PTPN4: variants seen among roughly 807,000 people sequenced by gnomAD.
PTPN4 encodes protein tyrosine phosphatase non-receptor type 4.
In PTPN4, 49 loss-of-function variants were observed where a neutral mutation model predicts 135.5. That is an observed-to-expected ratio of 0.36 (90% confidence interval 0.29 to 0.46). PTPN4 has a LOEUF of 0.46. Ranked by LOEUF, PTPN4 falls within the 20% of genes least tolerant of loss-of-function variation. The probability of loss-of-function intolerance (pLI) is 1.00; values close to 1 mark genes in which losing one functional copy is unlikely to be tolerated. For missense variants in PTPN4, 860 were observed against 1,101.0 expected (o/e 0.78, Z 3.10); for synonymous variants, 333 against 369.9 (o/e 0.90, Z 1.14).
At chr2:119,777,511 A>G (rs1444692450) in intron 1 of PTPN4, among the ~76,000 whole-genome samples, 1 of 152,172 alleles carries the variant, frequency 6.6e-6, no homozygotes, top group Non-Finnish European at 1.5e-5. Flanking sequence ...GTCTGGCACA[A>G]TGTGAGGTAC....
chr2:119,889,682 A>G (rs1023179075), intron 9 of PTPN4, among the ~76,000 whole-genome samples: 2 of 151,922 alleles, frequency 1.3e-5, no homozygotes, highest in African/African-American at 2.4e-5. Context: ...TGTTCTTGCT[A>G]TTCCAGGTTT....
chr2:119,801,774 T>TA (rs1691377136), intron 1 of PTPN4, among the ~76,000 whole-genome samples: 1 of 152,324 alleles, frequency 6.6e-6, no homozygotes, highest in South Asian at 2.1e-4. Flanking sequence ...ACTTACTTAT[T>TA]AGTTCTAGGA....
chr2:119,967,739 T>C (rs1193378300), intron 25 of PTPN4, 98 bp from the exon 26 acceptor site: 3 of 983,706 alleles, frequency 3.0e-6, no homozygotes, highest in East Asian at 2.6e-5. Context: ...TAAAATGATA[T>C]TGTTCTTCTG....
At chr2:119,926,505 C>G in intron 12 of PTPN4, 93 bp from the exon 13 acceptor site, 3 of 798,476 alleles carry the variant, frequency 3.8e-6, no homozygotes, top group Non-Finnish European at 5.7e-6. Flanking sequence ...TGTCTTGTCT[C>G]TTAGGAAGTT....
chr2:119,832,647 G>C (rs1447485728), intron 2 of PTPN4, among the ~76,000 whole-genome samples: 1 of 151,798 alleles, frequency 6.6e-6, no homozygotes, highest in Admixed American at 6.6e-5. Flanking sequence ...TATTTTTAAG[G>C]AGATACTTGT....
chr2:119,834,186 C>T (rs570184347), intron 2 of PTPN4, among the ~76,000 whole-genome samples: 2 of 152,266 alleles, frequency 1.3e-5, no homozygotes, highest in South Asian at 2.1e-4. Flanking sequence ...ATTTCAAATT[C>T]TCTTTTCTAG....
chr2:119,942,712 G>T (rs1679078129), intron 15 of PTPN4, among the ~76,000 whole-genome samples: 1 of 152,058 alleles, frequency 6.6e-6, no homozygotes, highest in Non-Finnish European at 1.5e-5. Flanking sequence ...CTTATCAACT[G>T]CCTTTTAAAA....
intron 14 of PTPN4, among the ~76,000 whole-genome samples, chr2:119,934,229 A>G (rs908731314): frequency 2.0e-5 from 3 of 152,224 alleles, no homozygotes; most frequent in African/African-American, 4.8e-5. Context: ...CTACAAAATT[A>G]TATTTATAAT....
Position 119,983,204 on chromosome 2 carries a change from A to C in PTPN4, c.*6134A>C, listed in dbSNP as rs754910750. On this transcript the variant is annotated 3_prime_UTR_variant, in exon 27 of 27. Coordinates refer to ENST00000263708, the MANE Select transcript of PTPN4 (RefSeq NM_002830.4). Reference sequence around the variant, plus strand: ...CCTGGGAGTTTCCAAAATTTAGCAAATATTACTTGTGATAAGCTTAAATGC... The same window carrying C: ...CCTGGGAGTTTCCAAAATTTAGCAACTATTACTTGTGATAAGCTTAAATGC... 6.6e-6 allele frequency: 1 copy of C among 152,192 alleles called. No homozygotes were observed. The highest frequency in any genetic ancestry group is 2.4e-5 in the African/African-American group (1 of 41,440). The allele number at this position is 152,192 out of a possible 1,614,324, so 9.4% of individuals were successfully genotyped here. A position where few individuals can be genotyped will look rare whatever the true frequency, so the allele number is the denominator to read the frequency against.
intron 2 of PTPN4, among the ~76,000 whole-genome samples, chr2:119,843,644 G>A (rs1485674898): frequency 2.2e-5 from 2 of 90,404 alleles, no homozygotes; most frequent in Non-Finnish European, 4.5e-5. Flanking sequence ...CTTCCCTCCC[G>A]GACGGGGCGG....
intron 2 of PTPN4, among the ~76,000 whole-genome samples, chr2:119,813,949 A>C (rs990233148): frequency 1.3e-5 from 2 of 152,052 alleles, no homozygotes; most frequent in Non-Finnish European, 2.9e-5. Flanking sequence ...GACAGGTTTA[A>C]TTTTTATTAT....
In PTPN4 at chr2:119,900,692, C is replaced by T. The variant is rs760452064; in HGVS notation, c.676-26C>T. On this transcript the variant is annotated intron_variant, in intron 9 of 26. Transcript: ENST00000263708. Reference sequence around the variant, plus strand: ...ACAAAGCCCATAAATTTAGATTTATCATGTTTTTATTCATTTTTTTTGAAG... The same window carrying T: ...ACAAAGCCCATAAATTTAGATTTATTATGTTTTTATTCATTTTTTTTGAAG... The T allele has an allele frequency of 1.3e-5, 18 of 1,362,396 alleles. 1 individual carries two copies. In the South Asian group the frequency reaches 2.4e-4, roughly 18 times the overall value. The allele number at this position is 1,362,396 out of a possible 1,614,324, so 84.4% of individuals were successfully genotyped here. A position where few individuals can be genotyped will look rare whatever the true frequency, so the allele number is the denominator to read the frequency against.
At chr2:119,761,656 CTT>C (rs1690503635) in intron 1 of PTPN4, among the ~76,000 whole-genome samples, 1 of 152,122 alleles carries the variant, frequency 6.6e-6, no homozygotes, top group Admixed American at 6.5e-5. Flanking sequence ...GTACACATAT[CTT>C]TGTTACATTT....
chr2:119,789,405 C>T (rs1397476037), intron 1 of PTPN4, among the ~76,000 whole-genome samples: 1 of 152,184 alleles, frequency 6.6e-6, no homozygotes, highest in African/African-American at 2.4e-5. Context: ...TGTCCTTTGA[C>T]AGACAAATAG....
Position 119,957,106 on chromosome 2 carries a change from A to G in PTPN4, c.2133+29A>G, listed in dbSNP as rs764370034. On this transcript the variant is annotated intron_variant, in intron 22 of 26. Transcript: ENST00000263708. ...AGTTTATTCTTATTATGCCTTTGCC[A>G]TTTGGAAAAATACGAGCCACTATGA... 8 of 1,556,100 alleles carry G rather than the reference A, an allele frequency of 5.1e-6. No homozygotes were observed. The African/African-American group carries it at 5.5e-5, about 11-fold the overall frequency.
intron 2 of PTPN4, among the ~76,000 whole-genome samples, chr2:119,835,885 C>T (rs1677284703): frequency 6.6e-6 from 1 of 151,856 alleles, no homozygotes; most frequent in Admixed American, 6.6e-5. Flanking sequence ...CTGGCTAACA[C>T]AGTGAAACCC....
At chr2:119,851,835 C>T (rs1677597585) in intron 2 of PTPN4, among the ~76,000 whole-genome samples, 1 of 152,158 alleles carries the variant, frequency 6.6e-6, no homozygotes, top group Non-Finnish European at 1.5e-5. Context: ...AGAGGCAATG[C>T]AATAATTGTG....
At chr2:119,917,279 A>G (rs552089703) in intron 11 of PTPN4, among the ~76,000 whole-genome samples, 1 of 152,226 alleles carries the variant, frequency 6.6e-6, no homozygotes, top group Non-Finnish European at 1.5e-5. Flanking sequence ...TAACAGCAAC[A>G]ATAGCTAACT....
chr2:119,906,041 C>G (rs10192742), intron 10 of PTPN4, among the ~76,000 whole-genome samples: 40,636 of 151,928 alleles, frequency 0.27, 5,495 homozygotes, highest in South Asian at 0.33. Flanking sequence ...AATGATGCAT[C>G]TCAAGGAACT....
Sources: allele counts gnomAD v4.1 joint callset (sites outside exome capture counted in the v4.1 genomes callset), GRCh38; gene constraint gnomAD v4.1.1; transcripts MANE v1.5; gene names NCBI Gene and HGNC (gene_info 2026-07-23, HGNC 2026-07-21).